Variants in METTL8 observed in about 807,000 individuals in gnomAD.
METTL8 encodes tRNA N(3)-cytidine methyltransferase METTL8, mitochondrial.
METTL8 carries 32 observed loss-of-function variants against 48.7 expected under a neutral mutation model. That is an observed-to-expected ratio of 0.66 (90% CI 0.50 to 0.88). The LOEUF is 0.88. Ranked by LOEUF, METTL8 falls within the 40% of genes least tolerant of loss-of-function variation. The probability of loss-of-function intolerance (pLI) is 0.00; values close to 1 mark genes in which losing one functional copy is unlikely to be tolerated. For synonymous variants in METTL8, 136 were observed against 157.1 expected, an observed-to-expected ratio of 0.87 and a Z score of 1.01; for missense variants, 464 against 474.4, an observed-to-expected ratio of 0.98 and a Z score of 0.20.
At chr2:171,371,644 A>C (rs1574020688) in intron 2 of METTL8, among the ~76,000 whole-genome samples, 1 of 151,880 alleles carries the variant, frequency 6.6e-6, no homozygotes, top group African/African-American at 2.4e-5. Context: ...GGTGTGAGCC[A>C]CCGTGCCCAG....
chr2:171,418,478 A>G (rs1691542680), intron 1 of METTL8, among the ~76,000 whole-genome samples: 1 of 152,162 alleles, frequency 6.6e-6, no homozygotes, highest in Non-Finnish European at 1.5e-5. Flanking sequence ...GAATATCTAC[A>G]CAAAATATTT....
Position 171,315,997 on chromosome 2 carries a change from G to A in METTL8, c.*8175C>T, listed in dbSNP as rs968246058. On this transcript the variant is annotated 3_prime_UTR_variant, in exon 10 of 10. Transcript: ENST00000375258. Reference sequence around the variant, plus strand: ...TAGGGGTAAGCCCTGGGTGTGTTGTGTAGTGTGTGACGTAGTAGGTGAAAA... The same window carrying A: ...TAGGGGTAAGCCCTGGGTGTGTTGTATAGTGTGTGACGTAGTAGGTGAAAA... Among the ~76,000 whole-genome samples, 3 of 152,226 alleles carry A rather than the reference G, an allele frequency of 2.0e-5. No individual in the cohort carries two copies. Among genetic ancestry groups the A allele is most frequent in the African/African-American group, 4.8e-5 (2 of 41,454 alleles).
At chr2:171,411,541 T>G (rs1690749994) in intron 1 of METTL8, among the ~76,000 whole-genome samples, 1 of 152,350 alleles carries the variant, frequency 6.6e-6, no homozygotes, top group Middle Eastern at 3.4e-3. Flanking sequence ...GAATTCCATT[T>G]GTAATAAAGT....
At chr2:171,366,888 C>CA (rs35179830) in intron 2 of METTL8, among the ~76,000 whole-genome samples, 9,312 of 60,486 alleles carry the variant, frequency 0.15, 442 homozygotes, top group South Asian at 0.22. Context: ...GACCCTGTCT[C>CA]AAAAAAAAAA....
At chr2:171,416,244 G>A (rs1324931359) in intron 1 of METTL8, among the ~76,000 whole-genome samples, 1 of 152,184 alleles carries the variant, frequency 6.6e-6, no homozygotes, top group Non-Finnish European at 1.5e-5. Flanking sequence ...CAGCTCCTAG[G>A]AAAGCTCGTG....
At chr2:171,408,096 C>A (rs992107154) in intron 1 of METTL8, among the ~76,000 whole-genome samples, 5 of 152,106 alleles carry the variant, frequency 3.3e-5, no homozygotes, top group African/African-American at 1.2e-4. Flanking sequence ...TGTACTTGTA[C>A]TTATTTTGAT....
rs1373113808 is a variant in METTL8, at chr2:171,318,723, C to G, written c.*5449G>C. The G allele has an allele frequency of 4.6e-5, 7 of 151,984 alleles. No homozygotes were observed. Among genetic ancestry groups the G allele is most frequent in the Admixed American group, 4.6e-4 (7 of 15,252 alleles). 9.4% of individuals were successfully genotyped at this position (151,984 alleles called of 1,614,324 possible). ...TGATTGGATCTAGAATGAGCCATAA[C>G]CTTGAAGGTCGTCTGAAACAAACTC... On this transcript the variant is annotated 3_prime_UTR_variant, in exon 10 of 10. Transcript: ENST00000375258.
intron 4 of METTL8, 74 bp downstream of exon 4, chr2:171,339,110 T>G (rs1276824312): frequency 7.6e-7 from 1 of 1,311,448 alleles, no homozygotes; most frequent in East Asian, 2.4e-5. Context: ...AATCTGGATT[T>G]TTAATAAAAT....
At chr2:171,434,441 C>T (rs1313603195), upstream of METTL8, 2 of 1,454,094 alleles carry the variant, frequency 1.4e-6, no homozygotes, top group Non-Finnish European at 1.9e-6. Context: ...CTGCCCGCCT[C>T]CCCGTGTCAG....
chr2:171,433,696 T>TTATC (rs1264999125), intron 1 of METTL8, among the ~76,000 whole-genome samples, 187 bp downstream of exon 1: 3 of 152,150 alleles, frequency 2.0e-5, no homozygotes, highest in Non-Finnish European at 4.4e-5. Flanking sequence ...AATGAAGCAA[T>TTATC]TATCGCAAAA....
intron 2 of METTL8, among the ~76,000 whole-genome samples, chr2:171,366,196 G>C (rs1287012224): frequency 6.6e-6 from 1 of 152,206 alleles, no homozygotes; most frequent in Non-Finnish European, 1.5e-5. Flanking sequence ...AAGATAGGTA[G>C]TACAGTGCTT....
chr2:171,336,619 G>A (rs1686142083), intron 5 of METTL8, among the ~76,000 whole-genome samples: 1 of 151,782 alleles, frequency 6.6e-6, no homozygotes, highest in South Asian at 2.1e-4. Context: ...GCCAGGATCG[G>A]CTTTTTTGAG....
chr2:171,356,808 T>C (rs1308518904), intron 3 of METTL8, among the ~76,000 whole-genome samples: 1 of 152,150 alleles, frequency 6.6e-6, no homozygotes, highest in Non-Finnish European at 1.5e-5. Flanking sequence ...TTCATCCATC[T>C]GGAACAGGCA....
intron 2 of METTL8, among the ~76,000 whole-genome samples, chr2:171,361,643 G>A (rs1349336607): frequency 6.6e-6 from 1 of 152,050 alleles, no homozygotes; most frequent in African/African-American, 2.4e-5. Context: ...TGTCCACTTT[G>A]CATAGTGGCT....
rs1453409101 is a variant in METTL8 at position 171,320,312 on chromosome 2, C to A, written c.*3860G>T. On this transcript the variant is annotated 3_prime_UTR_variant, in exon 10 of 10. Transcript: ENST00000375258. Reference sequence around the variant, plus strand: ...TATGCTGGACAGAGCCCAAAAGAGACCAGTTTGTGTCTCACAGTCCAAATT... The same window carrying A: ...TATGCTGGACAGAGCCCAAAAGAGAACAGTTTGTGTCTCACAGTCCAAATT... 6.6e-6 allele frequency: 1 copy of A among 152,070 alleles called. No individual in the cohort carries two copies. The highest frequency in any genetic ancestry group is 1.5e-5 in the Non-Finnish European group (1 of 68,016). 9.4% of individuals were successfully genotyped at this position (152,070 alleles called of 1,614,324 possible).
intron 2 of METTL8, among the ~76,000 whole-genome samples, chr2:171,369,255 G>A (rs1269047427): frequency 6.6e-6 from 1 of 152,172 alleles, no homozygotes. Context: ...GCAGTGAGCC[G>A]AGATCGCGCC....
intron 2 of METTL8, among the ~76,000 whole-genome samples, chr2:171,385,629 G>A (rs1178960940): frequency 6.6e-6 from 1 of 152,214 alleles, no homozygotes; most frequent in African/African-American, 2.4e-5. Context: ...CAGGTGTCGG[G>A]TGCAGACTGG....
chr2:171,349,605 G>A (rs951782762), intron 3 of METTL8, among the ~76,000 whole-genome samples: 6 of 152,166 alleles, frequency 3.9e-5, no homozygotes, highest in African/African-American at 1.4e-4. Flanking sequence ...TGCCTATTGT[G>A]AATAGTGCTG....
chr2:171,320,198 G>T lies in METTL8; in HGVS notation c.*3974C>A, dbSNP rs1349226012. 6.6e-6 allele frequency: 1 copy of T among 151,742 alleles called. No homozygotes were observed. Among genetic ancestry groups the T allele is most frequent in the Non-Finnish European group, 1.5e-5 (1 of 67,960 alleles). 9.4% of individuals were successfully genotyped at this position (151,742 alleles called of 1,614,324 possible). A position where few individuals can be genotyped will look rare whatever the true frequency, so the allele number is the denominator to read the frequency against. ...AAACCCCGAGAAGGAAGTTGTTGTA[G>T]GTAGGTTAAGAGACAGAAAGACTGA... is the stretch of plus-strand genomic sequence containing the variant. On this transcript the variant is annotated 3_prime_UTR_variant, in exon 10 of 10. Coordinates refer to ENST00000375258, the MANE Select transcript of METTL8 (RefSeq NM_001321154.2).
Sources: gnomAD v4.1 joint callset for allele counts (sites outside exome capture counted in the v4.1 genomes callset) on GRCh38, gnomAD v4.1.1 for gene constraint, MANE v1.5 for transcripts, NCBI Gene and HGNC (gene_info 2026-07-23, HGNC 2026-07-21) for gene names.